SECTM1: variants seen among roughly 807,000 people sequenced by gnomAD.
SECTM1 encodes the protein secreted and transmembrane protein 1.
SECTM1 carries 10 observed loss-of-function variants against 18.1 expected under a neutral mutation model. The ratio of observed to expected loss-of-function variants is 0.55; its 90% CI spans 0.34 to 0.94. The LOEUF is 0.94. Among genes scored for constraint, SECTM1 ranks in the 40% least tolerant of loss-of-function variants. SECTM1 has a pLI of 0.02. For synonymous variants in SECTM1, 137 were observed against 139.2 expected (o/e 0.98, Z 0.11); for missense variants, 297 against 322.6 (o/e 0.92, Z 0.61).
rs1417935494 is a variant in SECTM1, at chr17:82,324,721, C to T, written c.264G>A (p.Arg88=). ...CCTGAACCTGGAGCTGCCAGCCGTC[C>T]CGGGAGAAGTAGCCTGGAGCCACCT... is the stretch of plus-strand genomic sequence containing the variant. ...FNEVAPGYFS[R]DGWQLQVQGG... Residue 88 remains arginine, a synonymous_variant, in exon 3 of 5, where the codon CGG becomes CGA. Coordinates refer to ENST00000269389, the MANE Select transcript of SECTM1 (RefSeq NM_003004.3). 1 of 1,614,170 alleles carries T rather than the reference C, an allele frequency of 6.2e-7. No homozygotes were observed.
In SECTM1 at chr17:82,321,858, T is replaced by A; in HGVS notation, c.*303A>T. 1 of 386,136 alleles carries A rather than the reference T, an allele frequency of 2.6e-6. No homozygotes were observed. The highest frequency in any genetic ancestry group is 2.6e-5 in the South Asian group (1 of 38,082). 23.9% of individuals were successfully genotyped at this position (386,136 alleles called of 1,614,324 possible). A position where few individuals can be genotyped will look rare whatever the true frequency, so the allele number is the denominator to read the frequency against. The stretch of plus-strand genomic sequence containing the variant: ...CACCTGGGGCCGGACCAGCCTGGGG[T>A]GGCAGAAAGGGAGTCCGGGTCTGTG... On this transcript the variant is annotated 3_prime_UTR_variant, in exon 5 of 5. Coordinates refer to ENST00000269389, the MANE Select transcript of SECTM1 (RefSeq NM_003004.3).
rs1268219421 is a variant in SECTM1 at position 82,324,624 on chromosome 17, C to T, written c.361G>A (p.Gly121Arg). 3 of 1,612,130 alleles carry T rather than the reference C, an allele frequency of 1.9e-6. No individual in the cohort carries two copies. The highest frequency in any genetic ancestry group is 2.5e-6 in the Non-Finnish European group (3 of 1,179,036). Residue 121 changes from glycine to arginine, a missense_variant, in exon 3 of 5, where the codon GGA (glycine) becomes AGA (arginine). Transcript: ENST00000269389. ...ACTTGTCTGTTATTTCTCTGGTGTC[C>T]CACGAGGTGCCACATGTACAGCCCA... ...HAGLYMWHLV[G>R]HQRNNRQVTL...
intron 3 of SECTM1, 99 bp from the exon 4 acceptor site, chr17:82,323,110 G>A (rs2052111901): frequency 7.3e-7 from 1 of 1,367,648 alleles, no homozygotes. Flanking sequence ...CACACTCCCT[G>A]GGGTGAGAAT....
rs1567844449 is a variant in SECTM1, at chr17:82,326,987, G to T, written c.94+160C>A. Among the ~76,000 whole-genome samples the T allele has an allele frequency of 7.4e-6, 1 of 135,366 alleles. No individual in the cohort carries two copies. The highest frequency in any genetic ancestry group is 3.0e-5 in the African/African-American group (1 of 33,468). 88.8% of individuals were successfully genotyped at this position (135,366 alleles called of 152,430 possible). A position where few individuals can be genotyped will look rare whatever the true frequency, so the allele number is the denominator to read the frequency against. On this transcript the variant is annotated intron_variant, in intron 2 of 4. Coordinates refer to ENST00000269389, the MANE Select transcript of SECTM1 (RefSeq NM_003004.3). This position sits in a 1 kb window ranked among gnomAD's most constrained non-coding sequence, Gnocchi z 4.3. Reference sequence around the variant, plus strand: ...CACGGTCCACTCACCGCCACCTGAGGCAGCCCAGCTCCACATGGTCAGGCC... The same window carrying T: ...CACGGTCCACTCACCGCCACCTGAGTCAGCCCAGCTCCACATGGTCAGGCC...
intron 1 of SECTM1, among the ~76,000 whole-genome samples, chr17:82,332,449 TG>T (rs1285665075): frequency 3.3e-5 from 5 of 152,098 alleles, no homozygotes; most frequent in African/African-American, 1.2e-4. Flanking sequence ...CCCCTCGGGC[TG>T]GGTTCATTGG....
At position 82,322,138 on chromosome 17, in the gene SECTM1, T is replaced by C. The variant is rs2052097574; in HGVS notation, c.*23A>G. 1 of 1,612,306 alleles carries C rather than the reference T, an allele frequency of 6.2e-7. No homozygotes were observed. Among genetic ancestry groups the C allele is most frequent in the South Asian group, 1.1e-5 (1 of 91,068 alleles). On this transcript the variant is annotated 3_prime_UTR_variant, in exon 5 of 5. Transcript: ENST00000269389. ...TCGGCACTCAGGGCTGGCTCTCCTG[T>C]GTCCTCTCTGCCTTGCAGGCGGCTA...
chr17:82,328,837 C>T lies in SECTM1; in HGVS notation c.-52-1545G>A, dbSNP rs1318172577. 6.6e-6 allele frequency among the ~76,000 whole-genome samples: 1 copy of T among 152,150 alleles called. No homozygotes were observed. ...TGCCCTGCCTCTCGGGTGCCTGCAC[C>T]CCTGCTAGGAAAAGTCCCTAGGTAG... On this transcript the variant is annotated intron_variant, in intron 1 of 4. Transcript: ENST00000269389. The surrounding 1 kb of genome is among the most constrained non-coding windows in gnomAD (Gnocchi z 5.8).
At chr17:82,323,143 C>T (rs996814739) in intron 3 of SECTM1, 132 bp from the exon 4 acceptor site, 22 of 1,124,318 alleles carry the variant, frequency 2.0e-5, no homozygotes, top group East Asian at 1.0e-4. Flanking sequence ...ACGGCACCGC[C>T]GTTGCCCAGG....
chr17:82,325,313 C>T lies in SECTM1; in HGVS notation c.95-423G>A, dbSNP rs1383926253. On this transcript the variant is annotated intron_variant, in intron 2 of 4. Transcript: ENST00000269389. The surrounding 1 kb of genome is among the most constrained non-coding windows in gnomAD (Gnocchi z 7.6). ...TCCTCGTGGGAAGCAGTGGCCAGGCCCCACCGCCCCCAGCTCCCTCCTGTT... is the reference window on the plus strand; with the variant it reads ...TCCTCGTGGGAAGCAGTGGCCAGGCTCCACCGCCCCCAGCTCCCTCCTGTT... 1.3e-5 allele frequency among the ~76,000 whole-genome samples: 2 copies of T among 152,190 alleles called. No homozygotes were observed. Among genetic ancestry groups the T allele is most frequent in the African/African-American group, 4.8e-5 (2 of 41,432 alleles).
At chr17:82,331,420 C>T (rs1475317178) in intron 1 of SECTM1, among the ~76,000 whole-genome samples, 10 of 152,184 alleles carry the variant, frequency 6.6e-5, no homozygotes, top group Admixed American at 5.9e-4. Flanking sequence ...CAGAAGAAAA[C>T]GCACCCTGGC....
Position 82,327,225 on chromosome 17 carries a change from G to A in SECTM1, c.16C>T (p.Leu6=). Residue 6 remains leucine (L), a synonymous_variant, in exon 2 of 5, where the codon CTG becomes TTG. Coordinates refer to ENST00000269389, the MANE Select transcript of SECTM1 (RefSeq NM_003004.3). ...TGGGAAACGTGGCCAGGGAATGCCA[G>A]GGGGCAGGTCTGCATGGCTGGTGGG... MQTCP[L]AFPGHVSQAL... is the part of the protein sequence containing the mutation. 6.2e-7 allele frequency: 1 copy of A among 1,609,568 alleles called. No individual in the cohort carries two copies. The highest frequency in any genetic ancestry group is 8.5e-7 in the Non-Finnish European group (1 of 1,177,974).
chr17:82,324,892 T>C lies in SECTM1; in HGVS notation c.95-2A>G. On this transcript the variant is annotated splice_acceptor_variant, in intron 2 of 4. Transcript: ENST00000269389. LOFTEE classifies it high-confidence loss of function. Reference sequence around the variant, plus strand: ...CTGTGCAGATGGGGCTGTCCCAGCCTGTAGGGCCAGACAGAGGCACACACG... The same window carrying C: ...CTGTGCAGATGGGGCTGTCCCAGCCCGTAGGGCCAGACAGAGGCACACACG... The C allele has an allele frequency of 2.5e-6, 4 of 1,607,106 alleles. No homozygotes were observed. The highest frequency in any genetic ancestry group is 3.4e-6 in the Non-Finnish European group (4 of 1,175,702).
rs527586352 is a variant in SECTM1, at chr17:82,326,965, G to A, written c.94+182C>T. 6.6e-6 allele frequency among the ~76,000 whole-genome samples: 1 copy of A among 151,868 alleles called. No homozygotes were observed. The highest frequency in any genetic ancestry group is 1.5e-5 in the Non-Finnish European group (1 of 67,902). On this transcript the variant is annotated intron_variant, in intron 2 of 4. Transcript: ENST00000269389. The surrounding 1 kb of genome is among the most constrained non-coding windows in gnomAD (Gnocchi z 4.3). ...CCACCCTCCACCCACGGCGGGACACGGTCCACTCACCGCCACCTGAGGCAG... is the reference window on the plus strand; with the variant it reads ...CCACCCTCCACCCACGGCGGGACACAGTCCACTCACCGCCACCTGAGGCAG...
chr17:82,327,901 G>T (rs537806939), intron 1 of SECTM1, among the ~76,000 whole-genome samples: 8 of 147,484 alleles, frequency 5.4e-5, no homozygotes, highest in Non-Finnish European at 4.5e-5. Flanking sequence ...CAAGCCCAGC[G>T]CTGACCACAA....
chr17:82,323,308 C>T, intron 3 of SECTM1: 1 of 380,192 alleles, frequency 2.6e-6, no homozygotes, highest in Non-Finnish European at 4.9e-6. Flanking sequence ...TCCTTCAGGC[C>T]TCGGGGTTCT....
At chr17:82,331,317 A>G (rs1378523446) in intron 1 of SECTM1, among the ~76,000 whole-genome samples, 1 of 152,086 alleles carries the variant, frequency 6.6e-6, no homozygotes, top group African/African-American at 2.4e-5. Context: ...CTCTACCCCG[A>G]GGCTTCAGGC....
rs1314232420 is a variant in SECTM1, at chr17:82,326,966, G to T, written c.94+181C>A. ...CACCCTCCACCCACGGCGGGACACG[G>T]TCCACTCACCGCCACCTGAGGCAGC... On this transcript the variant is annotated intron_variant, in intron 2 of 4. Coordinates refer to ENST00000269389, the MANE Select transcript of SECTM1 (RefSeq NM_003004.3). The surrounding 1 kb of genome is among the most constrained non-coding windows in gnomAD (Gnocchi z 4.3). Among the ~76,000 whole-genome samples the T allele has an allele frequency of 2.0e-5, 3 of 151,938 alleles. No individual in the cohort carries two copies. The highest frequency in any genetic ancestry group is 2.0e-4 in the Admixed American group (3 of 15,266).
chr17:82,324,532 CGTGTCCCCTCTCA>C, intron 3 of SECTM1, 37 bp downstream of exon 3: 3 of 1,079,972 alleles, frequency 2.8e-6, no homozygotes, highest in Admixed American at 2.2e-5. Flanking sequence ...CTCCCCTCCC[CGTGTCCCCTCTCA>C]CTCCCCTCCC....
chr17:82,324,456 G>A (rs1177317558), intron 3 of SECTM1, 126 bp downstream of exon 3: 7 of 1,048,404 alleles, frequency 6.7e-6, no homozygotes, highest in South Asian at 3.3e-5. Context: ...CTGGCAGCCC[G>A]GCTCATGCCT....
Sources: gnomAD v4.1 joint callset for allele counts (sites outside exome capture counted in the v4.1 genomes callset) on GRCh38, gnomAD v4.1.1 for gene constraint, Gnocchi (gnomAD v3.1) non-coding constraint, MANE v1.5 for transcripts, NCBI Gene and HGNC (gene_info 2026-07-23, HGNC 2026-07-21) for gene names.